REV3L: variants seen among roughly 807,000 people sequenced by gnomAD.
REV3L encodes DNA polymerase zeta catalytic subunit.
A neutral mutation model predicts 299.4 loss-of-function variants in REV3L; 69 were observed. The observed-to-expected ratio is 0.23, with a 90% CI of 0.19 to 0.28. REV3L has a LOEUF of 0.28. Ranked by LOEUF, REV3L falls within the 10% of genes least tolerant of loss-of-function variation. The probability of loss-of-function intolerance (pLI) is 1.00; values close to 1 mark genes in which losing one functional copy is unlikely to be tolerated. For missense variants in REV3L, 3,128 were observed against 3,693.8 expected, an observed-to-expected ratio of 0.85 and a Z score of 3.97; for synonymous variants, 1,238 against 1,271.4, an observed-to-expected ratio of 0.97 and a Z score of 0.56.
chr6:111,390,751 C>G (rs1253140552), intron 5 of REV3L, among the ~76,000 whole-genome samples: 1 of 152,044 alleles, frequency 6.6e-6, no homozygotes, highest in Non-Finnish European at 1.5e-5. Context: ...GGGATCATAG[C>G]TAGGAAAAGT....
chr6:111,468,972 C>A (rs527391112), intron 1 of REV3L, among the ~76,000 whole-genome samples: 3 of 151,948 alleles, frequency 2.0e-5, no homozygotes, highest in Non-Finnish European at 4.4e-5. Context: ...ACCAGCCTGG[C>A]CAAAATGGTG....
chr6:111,431,430 T>G, intron 1 of REV3L: 1 of 1,022,952 alleles, frequency 9.8e-7, no homozygotes, highest in Non-Finnish European at 1.6e-6. Flanking sequence ...AGTTTTTGAT[T>G]CTGAGGAAGC....
chr6:111,378,782 T>C (rs1432782254), intron 11 of REV3L, among the ~76,000 whole-genome samples: 1 of 152,192 alleles, frequency 6.6e-6, no homozygotes, highest in Non-Finnish European at 1.5e-5. Context: ...ATGATAATCT[T>C]TAAAATACAT....
chr6:111,414,715 A>G (rs1426538202), intron 2 of REV3L, among the ~76,000 whole-genome samples: 2 of 152,038 alleles, frequency 1.3e-5, no homozygotes, highest in African/African-American at 2.4e-5. Context: ...AGTTGACTCT[A>G]CCTCTACCTT....
At chr6:111,475,086 T>A (rs953186408) in intron 1 of REV3L, among the ~76,000 whole-genome samples, 2 of 151,988 alleles carry the variant, frequency 1.3e-5, no homozygotes, top group Non-Finnish European at 2.9e-5. Flanking sequence ...CATATAAAAA[T>A]ATATATTTTA....
At chr6:111,315,942 G>C (rs577631607) in intron 26 of REV3L, among the ~76,000 whole-genome samples, 1 of 152,188 alleles carries the variant, frequency 6.6e-6, no homozygotes, top group Admixed American at 6.5e-5. Flanking sequence ...TGCTAAAAAG[G>C]TTGGGGACTG....
At chr6:111,467,673 T>G (rs1396833367) in intron 1 of REV3L, among the ~76,000 whole-genome samples, 3 of 152,210 alleles carry the variant, frequency 2.0e-5, no homozygotes, top group Non-Finnish European at 2.9e-5. Context: ...GCATTTACAA[T>G]GTATTAGGTG....
chr6:111,400,481 T>A (rs1477527595), intron 4 of REV3L, among the ~76,000 whole-genome samples: 1 of 152,200 alleles, frequency 6.6e-6, no homozygotes, highest in African/African-American at 2.4e-5. Context: ...CCTAACGACA[T>A]ATAATGTTGA....
At chr6:111,435,794 C>A (rs1787478779) in intron 1 of REV3L, among the ~76,000 whole-genome samples, 1 of 151,956 alleles carries the variant, frequency 6.6e-6, no homozygotes, top group Admixed American at 6.6e-5. Flanking sequence ...GCACAGGCAA[C>A]CAAGCCAAAA....
chr6:111,439,410 C>A (rs139299538), intron 1 of REV3L, among the ~76,000 whole-genome samples: 3 of 152,158 alleles, frequency 2.0e-5, no homozygotes, highest in Middle Eastern at 3.4e-3. Flanking sequence ...TGGTGGCTGG[C>A]CATCAGAAGT....
intron 31 of REV3L, among the ~76,000 whole-genome samples, chr6:111,303,664 G>A (rs1445310501): frequency 2.6e-5 from 3 of 116,530 alleles, no homozygotes; most frequent in Non-Finnish European, 5.0e-5. Context: ...ATGATCCCCA[G>A]CCGAGGCTTT....
intron 25 of REV3L, among the ~76,000 whole-genome samples, chr6:111,328,642 C>G (rs1383911987): frequency 6.6e-6 from 1 of 151,846 alleles, no homozygotes; most frequent in Non-Finnish European, 1.5e-5. Context: ...TCACAGATCC[C>G]CAAGAATATA....
intron 1 of REV3L, among the ~76,000 whole-genome samples, chr6:111,435,283 A>T (rs896967641): frequency 3.3e-5 from 5 of 152,238 alleles, no homozygotes; most frequent in African/African-American, 1.2e-4. Context: ...CGTATAAATG[A>T]CGTTCTTCAC....
chr6:111,445,862 G>A (rs1788773543), intron 1 of REV3L, among the ~76,000 whole-genome samples: 1 of 152,194 alleles, frequency 6.6e-6, no homozygotes, highest in African/African-American at 2.4e-5. Flanking sequence ...AGAGGGAACA[G>A]TTTAAGCAAA....
chr6:111,364,023 G>T, intron 15 of REV3L, 45 bp from the exon 16 acceptor site: 1 of 1,566,398 alleles, frequency 6.4e-7, no homozygotes, highest in South Asian at 1.2e-5. Flanking sequence ...AAAGATACAT[G>T]AGCAATCATT....
In REV3L at chr6:111,375,364, T is replaced by C; in HGVS notation, c.2991A>G (p.Ile997Met). ...ATATTACTTGTTTTTCTTTAGAGTC[T>C]ATTTTTCCTAGCTTCACAAGCATAT... ...RKNMLVKLGKIDSKEKQVILT... is the reference protein window; with the variant it reads ...RKNMLVKLGKMDSKEKQVILT... Residue 997 changes from isoleucine (I) to methionine (M), a missense_variant, in exon 13 of 32, where the codon ATA (isoleucine) becomes ATG (methionine). Ile to Met is a conservative substitution (Grantham distance 10, BLOSUM62 1). Coordinates refer to ENST00000368802, the MANE Select transcript of REV3L (RefSeq NM_001372078.1). 1 of 1,589,042 alleles carries C rather than the reference T, an allele frequency of 6.3e-7. No homozygotes were observed.
At chr6:111,425,879 AG>A (rs1483974076) in intron 1 of REV3L, among the ~76,000 whole-genome samples, 7 of 152,234 alleles carry the variant, frequency 4.6e-5, no homozygotes, top group Non-Finnish European at 1.0e-4. Context: ...TAGAAATTCC[AG>A]AATTGAAAAG....
chr6:111,482,384 C>G (rs534460638), intron 1 of REV3L, among the ~76,000 whole-genome samples: 247 of 152,322 alleles, frequency 1.6e-3, no homozygotes, highest in African/African-American at 5.7e-3. Flanking sequence ...CCTACGAACC[C>G]GTCCACCGAT....
intron 18 of REV3L, chr6:111,356,597 T>C (rs1161433823): frequency 6.6e-6 from 1 of 152,040 alleles, no homozygotes; most frequent in Non-Finnish European, 1.5e-5. Context: ...CAGAAAACTT[T>C]AAAAAAGAAA....
Sources: allele counts gnomAD v4.1 joint callset (sites outside exome capture counted in the v4.1 genomes callset), GRCh38; gene constraint gnomAD v4.1.1; transcripts MANE v1.5; gene names NCBI Gene and HGNC (gene_info 2026-07-23, HGNC 2026-07-21).